Variants in PCSK5 observed in about 807,000 individuals in gnomAD.
The protein encoded by PCSK5 is proprotein convertase subtilisin/kexin type 5.
PCSK5 carries 129 observed loss-of-function variants against 233.2 expected under a neutral mutation model. The ratio of observed to expected loss-of-function variants is 0.55; its 90% CI spans 0.48 to 0.64. PCSK5 has a LOEUF of 0.64. Among genes scored for constraint, PCSK5 ranks in the 30% least tolerant of loss-of-function variants. PCSK5 has a pLI of 0.00. For synonymous variants in PCSK5, 825 were observed against 879.2 expected, an observed-to-expected ratio of 0.94 and a Z score of 1.09; for missense variants, 2,076 against 2,430.1, an observed-to-expected ratio of 0.85 and a Z score of 3.06.
At chr9:76,134,506 C>T (rs1040883766) in intron 10 of PCSK5, among the ~76,000 whole-genome samples, 1 of 151,948 alleles carries the variant, frequency 6.6e-6, no homozygotes, top group East Asian at 1.9e-4. Flanking sequence ...TTTGCTGTCA[C>T]TGAATATCTA....
chr9:75,993,566 CAA>C (rs72439307), intron 3 of PCSK5, among the ~76,000 whole-genome samples: 36,472 of 151,976 alleles, frequency 0.24, 5,587 homozygotes, highest in East Asian at 0.64. Context: ...ATTACTAATT[CAA>C]AGTCAATATG....
chr9:76,337,137 A>G (rs551712715), intron 34 of PCSK5, among the ~76,000 whole-genome samples: 1 of 149,488 alleles, frequency 6.7e-6, no homozygotes, highest in African/African-American at 2.4e-5. Context: ...GGCAAATTAG[A>G]AGAATAATTC....
chr9:75,968,801 C>T (rs1461438296), intron 2 of PCSK5, among the ~76,000 whole-genome samples: 1 of 152,226 alleles, frequency 6.6e-6, no homozygotes, highest in Non-Finnish European at 1.5e-5. Context: ...CTCAAAAATT[C>T]TCCATAGTCA....
chr9:75,986,501 G>T (rs1338777234), intron 3 of PCSK5, among the ~76,000 whole-genome samples: 1 of 152,230 alleles, frequency 6.6e-6, no homozygotes, highest in Non-Finnish European at 1.5e-5. Flanking sequence ...CTTACTTTGT[G>T]CAGTAGCTTT....
intron 10 of PCSK5, among the ~76,000 whole-genome samples, chr9:76,153,914 T>C (rs17776673): frequency 0.27 from 40,472 of 152,072 alleles, 5,661 homozygotes; most frequent in Admixed American, 0.35. Context: ...AGGGTAACAG[T>C]AGATGTGCAA....
chr9:76,145,104 G>A (rs1052366345), intron 10 of PCSK5, among the ~76,000 whole-genome samples: 13 of 152,124 alleles, frequency 8.5e-5, no homozygotes, highest in Admixed American at 1.3e-4. Context: ...CAGTCTGAGC[G>A]ACAGAGCAAG....
chr9:76,223,198 C>T (rs551461085), intron 20 of PCSK5, among the ~76,000 whole-genome samples: 5 of 152,256 alleles, frequency 3.3e-5, no homozygotes, highest in South Asian at 2.1e-4. Flanking sequence ...ATTTATGTAT[C>T]GATTAATTTA....
intron 5 of PCSK5, among the ~76,000 whole-genome samples, chr9:76,057,990 C>T (rs1480658105): frequency 6.6e-6 from 1 of 152,062 alleles, no homozygotes; most frequent in Admixed American, 6.6e-5. Context: ...GTGCTTACCA[C>T]TATGCCCAGC....
rs1471454108 is a variant in PCSK5 at position 76,282,007 on chromosome 9, T to C, written c.3143-10226T>C. Among the ~76,000 whole-genome samples, 4 of 151,704 alleles carry C rather than the reference T, an allele frequency of 2.6e-5. No individual in the cohort carries two copies. In the East Asian group the frequency reaches 5.8e-4, roughly 22 times the overall value. On this transcript the variant is annotated intron_variant, in intron 24 of 37. Transcript: ENST00000674117. ...ATAGCTGCCGTAGAGATTCCTCTGA[T>C]GTATCTGGGCAATGTAAATTGAAAC...
At chr9:76,104,997 A>G (rs1357225008) in intron 8 of PCSK5, among the ~76,000 whole-genome samples, 1 of 152,218 alleles carries the variant, frequency 6.6e-6, no homozygotes, top group Non-Finnish European at 1.5e-5. Flanking sequence ...CAAATGAGGC[A>G]GCAGTTCCTT....
At chr9:76,141,994 G>A (rs993154510) in intron 10 of PCSK5, among the ~76,000 whole-genome samples, 12 of 152,012 alleles carry the variant, frequency 7.9e-5, no homozygotes, top group African/African-American at 2.9e-4. Flanking sequence ...GAGCGTGGGA[G>A]GAGAAAGAGG....
chr9:75,915,422 C>A (rs4744776), intron 1 of PCSK5, among the ~76,000 whole-genome samples: 22,619 of 152,180 alleles, frequency 0.15, 1,802 homozygotes, highest in South Asian at 0.2. Flanking sequence ...TAACATGATA[C>A]ATTTGAAATA....
chr9:76,222,312 C>G (rs781068021), intron 20 of PCSK5, among the ~76,000 whole-genome samples: 15 of 151,994 alleles, frequency 9.9e-5, no homozygotes, highest in Admixed American at 2.0e-4. Flanking sequence ...GACACAAACT[C>G]TTTGTGTAGA....
intron 4 of PCSK5, among the ~76,000 whole-genome samples, chr9:76,024,115 TAGC>T (rs886271840): frequency 2.0e-5 from 3 of 152,148 alleles, no homozygotes; most frequent in African/African-American, 7.2e-5. Context: ...AGCAATAAGG[TAGC>T]AGAAACTCCG....
At chr9:76,302,365 G>T (rs971328397) in intron 28 of PCSK5, 148 bp downstream of exon 28, 3 of 333,622 alleles carry the variant, frequency 9.0e-6, no homozygotes, top group African/African-American at 6.6e-5. Flanking sequence ...TTGGAGACAG[G>T]AGGGGCAATA....
intron 2 of PCSK5, among the ~76,000 whole-genome samples, chr9:75,941,823 C>T (rs114110839): frequency 4.9e-4 from 74 of 152,252 alleles, no homozygotes; most frequent in African/African-American, 1.8e-3. Context: ...CCTGTCCTAT[C>T]GGTTTTGTTT....
intron 5 of PCSK5, among the ~76,000 whole-genome samples, chr9:76,041,861 AT>A (rs908411820): frequency 2.6e-5 from 4 of 151,518 alleles, no homozygotes; most frequent in Non-Finnish European, 5.9e-5. Context: ...AAAAAAAAAG[AT>A]TTTATAATGT....
rs1830406771 is a variant in PCSK5 at position 76,360,164 on chromosome 9, C to T, written c.*1242C>T. The T allele has an allele frequency of 6.6e-6, 1 of 152,040 alleles. No homozygotes were observed. The highest frequency in any genetic ancestry group is 2.4e-5 in the African/African-American group (1 of 41,390). 9.4% of individuals were successfully genotyped at this position (152,040 alleles called of 1,614,324 possible). Reference sequence around the variant, plus strand: ...TACAGGCAGTACTAGAAATGGAGCACCAGAAAGCAAAAATGACATTTTCAG... The same window carrying T: ...TACAGGCAGTACTAGAAATGGAGCATCAGAAAGCAAAAATGACATTTTCAG... On this transcript the variant is annotated 3_prime_UTR_variant, in exon 38 of 38. Transcript: ENST00000674117.
rs76437973 is a variant in PCSK5 at position 75,953,937 on chromosome 9, C to G, written c.297+21454C>G. 2.3e-3 allele frequency among the ~76,000 whole-genome samples: 356 copies of G among 152,170 alleles called. 1 individual carries two copies. Among genetic ancestry groups the G allele is most frequent in the African/African-American group, 7.7e-3 (320 of 41,502 alleles). ...GGGAAGGCCTCCCTCTCTCTTTGCA[C>G]CTTAAAGCAGTAATTTGGACTTGGA... On this transcript the variant is annotated intron_variant, in intron 2 of 37. Coordinates refer to ENST00000674117, the MANE Select transcript of PCSK5 (RefSeq NM_001372043.1).
Sources: gnomAD v4.1 joint callset for allele counts (sites outside exome capture counted in the v4.1 genomes callset) on GRCh38, gnomAD v4.1.1 for gene constraint, MANE v1.5 for transcripts, NCBI Gene and HGNC (gene_info 2026-07-23, HGNC 2026-07-21) for gene names.